Variants in WAC observed in about 807,000 individuals in gnomAD.
WAC encodes the protein WW domain-containing adapter protein with coiled-coil.
Under a neutral mutation model 79.6 loss-of-function variants are expected in WAC, and 11 were observed. The observed-to-expected ratio is 0.14, with a 90% CI of 0.09 to 0.23. The LOEUF (loss-of-function observed/expected upper bound fraction) is 0.23. Ranked by LOEUF, WAC falls within the 10% of genes least tolerant of loss-of-function variation. The pLI is 1.00. For synonymous variants in WAC, 304 were observed against 276.9 expected (o/e 1.10, Z -0.97); for missense variants, 728 against 773.5 (o/e 0.94, Z 0.70).
Position 28,611,263 on chromosome 10 carries a change from C to T in WAC, c.1288+442C>T, listed in dbSNP as rs187139293. On this transcript the variant is annotated intron_variant, in intron 9 of 13. Transcript: ENST00000354911. ...TTTCTGCCTTGAATTAGATATCCCTCTTCATGAAGGTATCCAAATGGAGAG... is the reference window on the plus strand; with the variant it reads ...TTTCTGCCTTGAATTAGATATCCCTTTTCATGAAGGTATCCAAATGGAGAG... 20 of 1,292,660 alleles carry T rather than the reference C, an allele frequency of 1.5e-5. No individual in the cohort carries two copies. In the Admixed American group the frequency reaches 4.4e-4, roughly 28 times the overall value. The allele number at this position is 1,292,660 out of a possible 1,614,324, so 80.1% of individuals were successfully genotyped here.
chr10:28,560,572 G>A (rs370194137), intron 3 of WAC, among the ~76,000 whole-genome samples: 1 of 152,112 alleles, frequency 6.6e-6, no homozygotes, highest in East Asian at 1.9e-4. Flanking sequence ...GTCTAGAGTC[G>A]AAGGCACAGA....
Position 28,608,253 on chromosome 10 carries a change from A to G in WAC, c.987A>G (p.Gly329=), listed in dbSNP as rs1415474871. Residue 329 remains glycine, a synonymous_variant, in exon 8 of 14, where the codon GGA becomes GGG. Coordinates refer to ENST00000354911, the MANE Select transcript of WAC (RefSeq NM_016628.5). ...CTTPSTSSAS[G]LNPTSAPPTS... ...CTCCTTCCACGTCTTCTGCCTCTGG[A>G]CTGAACCCCACATCTGCACCTCCAA... The G allele has an allele frequency of 6.2e-7, 1 of 1,614,076 alleles. No individual in the cohort carries two copies. Among genetic ancestry groups the G allele is most frequent in the Admixed American group, 1.7e-5 (1 of 60,002 alleles).
In WAC at chr10:28,538,866, TAAAAAAAAAAA is replaced by T. The variant is rs5784069; in HGVS notation, c.274+3117_274+3127del. Among the ~76,000 whole-genome samples, 3 of 126,904 alleles carry T rather than the reference TAAAAAAAAAAA, an allele frequency of 2.4e-5. No homozygotes were observed. In the South Asian group the frequency reaches 7.5e-4, roughly 32 times the overall value. 83.3% of individuals were successfully genotyped at this position (126,904 alleles called of 152,430 possible). ...GTTGATAGAGTGAGACCCGTCTGTT[TAAAAAAAAAAA>T]AAAAAAAGAAAAAAATTAATGTATA... On this transcript the variant is annotated intron_variant, in intron 3 of 13. Coordinates refer to ENST00000354911, the MANE Select transcript of WAC (RefSeq NM_016628.5).
At chr10:28,535,101 G>A (rs1263624820) in intron 2 of WAC, among the ~76,000 whole-genome samples, 1 of 149,268 alleles carries the variant, frequency 6.7e-6, no homozygotes, top group Non-Finnish European at 1.5e-5. Context: ...CAAAGAATTG[G>A]AGAAACTGGT....
Position 28,543,526 on chromosome 10 carries a change from A to G in WAC, c.274+7769A>G, listed in dbSNP as rs552324566. ...TGAATGATGGTTATTGAATTGGACA[A>G]TGCGGTTCTGAGGAATGTGATCGCC... On this transcript the variant is annotated intron_variant, in intron 3 of 13. Coordinates refer to ENST00000354911, the MANE Select transcript of WAC (RefSeq NM_016628.5). 2.7e-3 allele frequency among the ~76,000 whole-genome samples: 409 copies of G among 152,364 alleles called. 1 individual carries two copies. The highest frequency in any genetic ancestry group is 8.0e-3 in the African/African-American group (331 of 41,584).
At chr10:28,543,218 A>G (rs1027597674) in intron 3 of WAC, among the ~76,000 whole-genome samples, 9 of 152,246 alleles carry the variant, frequency 5.9e-5, no homozygotes, top group Admixed American at 5.2e-4. Flanking sequence ...ACAAGGTTCT[A>G]TAGCAGCACC....
chr10:28,561,796 T>C (rs1024503854), intron 3 of WAC, among the ~76,000 whole-genome samples: 33 of 152,270 alleles, frequency 2.2e-4, no homozygotes, highest in African/African-American at 7.9e-4. Context: ...TAGATTCTCA[T>C]AGGAGCATGA....
chr10:28,593,545 A>C (rs1439331404), intron 6 of WAC, among the ~76,000 whole-genome samples: 1 of 152,038 alleles, frequency 6.6e-6, no homozygotes, highest in Non-Finnish European at 1.5e-5. Context: ...AGACGGGTGG[A>C]TCATCTGAAG....
At chr10:28,608,627 G>A (rs906382496) in intron 8 of WAC, 196 bp downstream of exon 8, 18 of 589,482 alleles carry the variant, frequency 3.1e-5, no homozygotes, top group East Asian at 1.2e-4. Flanking sequence ...TAGTATAATT[G>A]AGTTAGTGGT....
At chr10:28,603,178 G>C (rs887976677) in intron 7 of WAC, among the ~76,000 whole-genome samples, 1 of 152,132 alleles carries the variant, frequency 6.6e-6, no homozygotes, top group African/African-American at 2.4e-5. Flanking sequence ...GGGCCACATT[G>C]GAAGAAGAAG....
At chr10:28,556,046 A>G (rs1047538467) in intron 3 of WAC, among the ~76,000 whole-genome samples, 1 of 152,212 alleles carries the variant, frequency 6.6e-6, no homozygotes, top group African/African-American at 2.4e-5. Context: ...CTGATCAGAT[A>G]TCGAGCATAT....
intron 7 of WAC, among the ~76,000 whole-genome samples, chr10:28,606,500 C>T (rs1840959574): frequency 6.6e-6 from 1 of 152,074 alleles, no homozygotes; most frequent in African/African-American, 2.4e-5. Context: ...TATCTTAGTC[C>T]TTCTGAGTTC....
chr10:28,554,767 A>AC (rs1837888351), intron 3 of WAC, among the ~76,000 whole-genome samples: 1 of 152,018 alleles, frequency 6.6e-6, no homozygotes, highest in African/African-American at 2.4e-5. Context: ...CTACTTTTCC[A>AC]CCCCTCCGCT....
At chr10:28,533,771 C>T in intron 1 of WAC, 151 bp downstream of exon 1, 1 of 575,284 alleles carries the variant, frequency 1.7e-6, no homozygotes. Flanking sequence ...CGCGGGCGGG[C>T]GGGCGGGAAC....
Position 28,608,207 on chromosome 10 carries a change from C to G in WAC, c.941C>G (p.Pro314Arg). ...ERKESTSGDK[P>R]VSHSCTTPST... The stretch of plus-strand genomic sequence containing the variant: ...TTAGAATCTACATCAGGAGACAAAC[C>G]CGTATCACATTCTTGCACAACTCCT... Residue 314 changes from proline (P) to arginine (R), a missense_variant, in exon 8 of 14, where the codon CCC (proline) becomes CGC (arginine). Pro to Arg is a moderately radical substitution (Grantham distance 103). Coordinates refer to ENST00000354911, the MANE Select transcript of WAC (RefSeq NM_016628.5). The G allele has an allele frequency of 6.2e-7, 1 of 1,614,070 alleles. No homozygotes were observed. Among genetic ancestry groups the G allele is most frequent in the Non-Finnish European group, 8.5e-7 (1 of 1,180,024 alleles).
At chr10:28,536,246 A>T (rs1439337296) in intron 3 of WAC, among the ~76,000 whole-genome samples, 2 of 4,518 alleles carry the variant, frequency 4.4e-4, no homozygotes, top group Admixed American at 3.9e-3. Flanking sequence ...AGACTCCATT[A>T]AAAAAAAAAA....
intron 3 of WAC, among the ~76,000 whole-genome samples, chr10:28,569,644 T>C (rs541055135): frequency 5.3e-5 from 8 of 152,312 alleles, no homozygotes; most frequent in African/African-American, 1.7e-4. Context: ...TTCTATAATC[T>C]AGTTCGGCTA....
rs554573631 is a variant in WAC, at chr10:28,556,569, G to A, written c.274+20812G>A. ...GCAAGAAGCTTTTTAGTGTGATATAGTCACACGTATTTTTGCTTTTGTTGC... is the reference window on the plus strand; with the variant it reads ...GCAAGAAGCTTTTTAGTGTGATATAATCACACGTATTTTTGCTTTTGTTGC... On this transcript the variant is annotated intron_variant, in intron 3 of 13. Coordinates refer to ENST00000354911, the MANE Select transcript of WAC (RefSeq NM_016628.5). 2.0e-5 allele frequency among the ~76,000 whole-genome samples: 3 copies of A among 151,214 alleles called. No homozygotes were observed. The East Asian group carries it at 5.8e-4, about 29-fold the overall frequency.
chr10:28,566,771 C>G (rs549372826), intron 3 of WAC, among the ~76,000 whole-genome samples: 2 of 152,240 alleles, frequency 1.3e-5, no homozygotes, highest in African/African-American at 2.4e-5. Flanking sequence ...TGCTGGGATG[C>G]TTTTAGAATT....
Sources: gnomAD v4.1 joint callset for allele counts (sites outside exome capture counted in the v4.1 genomes callset) on GRCh38, gnomAD v4.1.1 for gene constraint, MANE v1.5 for transcripts, NCBI Gene and HGNC (gene_info 2026-07-23, HGNC 2026-07-21) for gene names.